Variants in PLD5 observed in about 807,000 individuals in gnomAD.
The protein encoded by PLD5 is phospholipase D family member 5, also known as inactive phospholipase D5.
A neutral mutation model predicts 61.1 loss-of-function variants in PLD5; 36 were observed. The ratio of observed to expected loss-of-function variants is 0.59; its 90% CI spans 0.45 to 0.78. PLD5 has a LOEUF of 0.78. PLD5 is among the 30% of genes least tolerant of loss of function. The pLI is 0.00. For synonymous variants in PLD5, 243 were observed against 242.8 expected, an observed-to-expected ratio of 1.00 and a Z score of -0.01; for missense variants, 515 against 644.4, an observed-to-expected ratio of 0.80 and a Z score of 2.17.
intron 2 of PLD5, among the ~76,000 whole-genome samples, chr1:242,303,953 T>A (rs1676203400): frequency 6.6e-6 from 1 of 152,200 alleles, no homozygotes; most frequent in African/African-American, 2.4e-5. Context: ...TTGCAAATTC[T>A]TTTTTGCCCA....
At chr1:242,298,739 T>C (rs1018665090) in intron 2 of PLD5, among the ~76,000 whole-genome samples, 1 of 152,158 alleles carries the variant, frequency 6.6e-6, no homozygotes, top group African/African-American at 2.4e-5. Context: ...AGGAGCCCCC[T>C]CCTTATTCTA....
intron 1 of PLD5, among the ~76,000 whole-genome samples, chr1:242,416,029 T>A (rs1238316715): frequency 6.6e-6 from 1 of 152,086 alleles, no homozygotes. Flanking sequence ...TCAGAAGAAC[T>A]GATGTTAAAA....
At chr1:242,474,578 T>C (rs937012436) in intron 1 of PLD5, among the ~76,000 whole-genome samples, 2 of 152,220 alleles carry the variant, frequency 1.3e-5, no homozygotes, top group African/African-American at 4.8e-5. Flanking sequence ...CATCTCCATG[T>C]AGTCACAAAA....
Position 242,141,754 on chromosome 1 carries a change from A to G in PLD5, c.736-17089T>C, listed in dbSNP as rs1296657772. On this transcript the variant is annotated intron_variant, in intron 5 of 9. Coordinates refer to ENST00000536534, the MANE Select transcript of PLD5 (RefSeq NM_001372062.1). ...CAGAAATTTTGGAGAAGGGAAGGGG[A>G]AAGCTATGACTGAGCAATGCCAAGG... Among the ~76,000 whole-genome samples the G allele has an allele frequency of 3.9e-5, 6 of 152,132 alleles. 1 individual carries two copies. The highest frequency in any genetic ancestry group is 1.4e-4 in the African/African-American group (6 of 41,432).
chr1:242,194,348 G>C (rs957448119), intron 5 of PLD5, among the ~76,000 whole-genome samples: 1 of 152,126 alleles, frequency 6.6e-6, no homozygotes, highest in Non-Finnish European at 1.5e-5. Flanking sequence ...AACCACTATG[G>C]AAAACAGTGT....
rs562995606 is a variant in PLD5, at chr1:242,288,304, T to C, written c.495+58A>G. ...TTTGAGGAGTGGAGGAGCAGAATAC[T>C]AAGGAGTGGAAAATGCACATAAGTA... On this transcript the variant is annotated intron_variant, in intron 3 of 9. Transcript: ENST00000536534. The C allele has an allele frequency of 4.9e-5, 78 of 1,585,954 alleles. No individual in the cohort carries two copies. The African/African-American group carries it at 9.0e-4, about 18-fold the overall frequency.
chr1:242,237,317 G>GA (rs60100352), intron 4 of PLD5, among the ~76,000 whole-genome samples: 61,606 of 148,978 alleles, frequency 0.41, 13,551 homozygotes, highest in South Asian at 0.58. Flanking sequence ...AATGAGTTAA[G>GA]AAAAAAAAAA....
At chr1:242,227,088 A>G (rs1364590912) in intron 4 of PLD5, among the ~76,000 whole-genome samples, 1 of 152,196 alleles carries the variant, frequency 6.6e-6, no homozygotes, top group African/African-American at 2.4e-5. Flanking sequence ...TCTAGCATTA[A>G]ACTTGTTTAT....
intron 5 of PLD5, among the ~76,000 whole-genome samples, chr1:242,172,097 T>C (rs1382572768): frequency 1.3e-5 from 2 of 152,216 alleles, no homozygotes; most frequent in African/African-American, 2.4e-5. Context: ...CAGCACCTCA[T>C]TGCACTTATT....
intron 1 of PLD5, among the ~76,000 whole-genome samples, chr1:242,413,434 T>A (rs1450299150): frequency 1.3e-5 from 2 of 152,104 alleles, no homozygotes; most frequent in African/African-American, 4.8e-5. Context: ...GTTCACAGAC[T>A]AGCAGGGGGA....
intron 1 of PLD5, among the ~76,000 whole-genome samples, chr1:242,458,102 G>A (rs1666998518): frequency 6.6e-6 from 1 of 152,118 alleles, no homozygotes; most frequent in East Asian, 1.9e-4. Flanking sequence ...CCCTCCTTTA[G>A]GACACATGGT....
At position 242,347,605 on chromosome 1, in the gene PLD5, G is replaced by A. The variant is rs571161287; in HGVS notation, c.326+501C>T. 4.6e-5 allele frequency among the ~76,000 whole-genome samples: 7 copies of A among 152,264 alleles called. No homozygotes were observed. The South Asian group carries it at 1.5e-3, about 32-fold the overall frequency. ...GCATACATAAACCTGTAAAGCTATT[G>A]TAGTTTCTAGATTAAAAACAAACTG... is the stretch of plus-strand genomic sequence containing the variant. On this transcript the variant is annotated intron_variant, in intron 2 of 9. Transcript: ENST00000536534.
At chr1:242,492,575 G>A (rs1476710930) in intron 1 of PLD5, among the ~76,000 whole-genome samples, 1 of 151,606 alleles carries the variant, frequency 6.6e-6, no homozygotes, top group Non-Finnish European at 1.5e-5. Flanking sequence ...CTGTTACTAT[G>A]GTATTGCAAA....
intron 2 of PLD5, among the ~76,000 whole-genome samples, chr1:242,302,193 G>A (rs890814272): frequency 1.3e-5 from 2 of 152,154 alleles, no homozygotes; most frequent in Non-Finnish European, 2.9e-5. Flanking sequence ...CGTAGCCCAG[G>A]AGCAACAGTC....
chr1:242,430,064 C>A (rs1303161770), intron 1 of PLD5, among the ~76,000 whole-genome samples: 1 of 152,088 alleles, frequency 6.6e-6, no homozygotes, highest in South Asian at 2.1e-4. Flanking sequence ...TTAGGCTCCA[C>A]AAGTCTTTAA....
At position 242,256,704 on chromosome 1, in the gene PLD5, C is replaced by T. The variant is rs937948642; in HGVS notation, c.607+8633G>A. Among the ~76,000 whole-genome samples the T allele has an allele frequency of 1.3e-5, 2 of 152,112 alleles. No homozygotes were observed. The highest frequency in any genetic ancestry group is 1.5e-5 in the Non-Finnish European group (1 of 68,030). On this transcript the variant is annotated intron_variant, in intron 4 of 9. Coordinates refer to ENST00000536534, the MANE Select transcript of PLD5 (RefSeq NM_001372062.1). The surrounding 1 kb of genome is among the most constrained non-coding windows in gnomAD (Gnocchi z 5.7). ...ATAAGTGGCTGTTCTTTATAAATTG[C>T]CCAGTCTCAGTTATTACAGCAGCAC...
chr1:242,111,309 G>A (rs1034842231), intron 7 of PLD5, among the ~76,000 whole-genome samples: 2 of 152,016 alleles, frequency 1.3e-5, no homozygotes, highest in Non-Finnish European at 2.9e-5. Flanking sequence ...GGCCCACCTC[G>A]GCCTCCCAAA....
intron 3 of PLD5, among the ~76,000 whole-genome samples, chr1:242,281,712 C>T (rs1358585292): frequency 6.6e-6 from 1 of 152,096 alleles, no homozygotes; most frequent in Non-Finnish European, 1.5e-5. Context: ...GAGAATGGGG[C>T]TGCTTTGGAT....
intron 2 of PLD5, among the ~76,000 whole-genome samples, chr1:242,304,713 T>C (rs1676247627): frequency 6.6e-6 from 1 of 152,362 alleles, no homozygotes; most frequent in Non-Finnish European, 1.5e-5. Flanking sequence ...TTTATTATTT[T>C]CTTGATATAA....
Sources: gnomAD v4.1 joint callset for allele counts (sites outside exome capture counted in the v4.1 genomes callset) on GRCh38, gnomAD v4.1.1 for gene constraint, Gnocchi (gnomAD v3.1) non-coding constraint, MANE v1.5 for transcripts, NCBI Gene and HGNC (gene_info 2026-07-23, HGNC 2026-07-21) for gene names.